Variants in DIAPH2 observed in about 807,000 individuals in gnomAD.
The protein encoded by DIAPH2 is protein diaphanous homolog 2.
DIAPH2 carries 35 observed loss-of-function variants against 92.7 expected under a neutral mutation model. The observed-to-expected ratio is 0.38, with a 90% confidence interval of 0.29 to 0.50. DIAPH2 has a LOEUF of 0.50. DIAPH2 is among the 20% of genes least tolerant of loss of function. The pLI is 0.94. For synonymous variants in DIAPH2, 301 were observed against 280.4 expected, an observed-to-expected ratio of 1.07 and a Z score of -0.73; for missense variants, 701 against 819.5, an observed-to-expected ratio of 0.86 and a Z score of 1.77.
chrX:97,066,023 A>G (rs2066631588), intron 17 of DIAPH2, among the ~76,000 whole-genome samples: 1 of 112,312 alleles, frequency 8.9e-6, no homozygotes, highest in African/African-American at 3.3e-5. Context: ...TACAAGAGTC[A>G]AAAGTTTAAA....
At chrX:96,707,808 T>A (rs998892833) in intron 1 of DIAPH2, among the ~76,000 whole-genome samples, 1 of 112,176 alleles carries the variant, frequency 8.9e-6, no homozygotes, top group African/African-American at 3.2e-5. Context: ...TTATCTCTTC[T>A]GCATTTTAAA....
chrX:96,996,891 G>T (rs2066108501), intron 17 of DIAPH2, among the ~76,000 whole-genome samples: 2 of 111,939 alleles, frequency 1.8e-5, no homozygotes, highest in South Asian at 7.4e-4. Flanking sequence ...TTCCAAACTA[G>T]TAAAGCCACA....
chrX:96,766,707 A>G (rs2064306382), intron 4 of DIAPH2, among the ~76,000 whole-genome samples: 1 of 112,363 alleles, frequency 8.9e-6, no homozygotes, highest in Admixed American at 9.4e-5. Flanking sequence ...AATGAGTGAT[A>G]CGAAAGCTAG....
At chrX:96,854,597 T>A (rs233215) in intron 4 of DIAPH2, among the ~76,000 whole-genome samples, 4 of 62,213 alleles carry the variant, frequency 6.4e-5, no homozygotes, top group East Asian at 1.2e-3. Context: ...TCTCTCTCTC[T>A]CATATATATA....
At chrX:96,794,739 T>G (rs1425158266) in intron 4 of DIAPH2, among the ~76,000 whole-genome samples, 1 of 111,961 alleles carries the variant, frequency 8.9e-6, no homozygotes, top group Non-Finnish European at 1.9e-5. Context: ...CATAACAAAC[T>G]AACATAAACT....
chrX:97,311,549 A>C (rs2068793859), intron 23 of DIAPH2, among the ~76,000 whole-genome samples: 1 of 111,026 alleles, frequency 9.0e-6, no homozygotes, highest in South Asian at 3.9e-4. Context: ...ATAGGGAGTC[A>C]AAGCTGTCTT....
intron 23 of DIAPH2, among the ~76,000 whole-genome samples, chrX:97,320,854 A>C (rs1427593975): frequency 8.9e-6 from 1 of 111,941 alleles, no homozygotes; most frequent in African/African-American, 3.2e-5. Flanking sequence ...CTTTTATTTT[A>C]CTTGAAATAT....
At chrX:97,420,507 G>A (rs1453887129) in intron 25 of DIAPH2, among the ~76,000 whole-genome samples, 1 of 111,725 alleles carries the variant, frequency 9.0e-6, no homozygotes, top group Non-Finnish European at 1.9e-5. Context: ...TCACTATGAA[G>A]TTTATCTGGG....
At chrX:97,595,007 T>A (rs1254383351) in intron 26 of DIAPH2, among the ~76,000 whole-genome samples, 4 of 111,691 alleles carry the variant, frequency 3.6e-5, no homozygotes, top group Non-Finnish European at 7.5e-5. Context: ...CCTTGTACTT[T>A]TGGCACTCGC....
In DIAPH2 at chrX:97,243,651, G is replaced by A. The variant is rs748975761; in HGVS notation, c.2720-4064G>A. On this transcript the variant is annotated intron_variant, in intron 22 of 26. Transcript: ENST00000324765. The stretch of plus-strand genomic sequence containing the variant: ...AGAGGGGAAGAATGGAGGAGCCTAA[G>A]AAAGAAAGGTGCCCTTTACTTTTTT... Among the ~76,000 whole-genome samples, 3 of 111,668 alleles carry A rather than the reference G, an allele frequency of 2.7e-5. No individual in the cohort carries two copies. The South Asian group carries it at 1.1e-3, about 42-fold the overall frequency.
At chrX:96,855,187 C>G (rs2065031956) in intron 4 of DIAPH2, among the ~76,000 whole-genome samples, 1 of 110,218 alleles carries the variant, frequency 9.1e-6, no homozygotes, top group Admixed American at 9.7e-5. Context: ...TTTCTGAAGT[C>G]TTGTTACAGT....
intron 19 of DIAPH2, among the ~76,000 whole-genome samples, chrX:97,096,324 C>T (rs560613508): frequency 8.9e-6 from 1 of 111,770 alleles, no homozygotes; most frequent in African/African-American, 3.2e-5. Context: ...AGTTTTGGGG[C>T]AATATGAATC....
intron 26 of DIAPH2, among the ~76,000 whole-genome samples, chrX:97,467,483 C>T (rs1200353511): frequency 1.8e-5 from 2 of 111,329 alleles, no homozygotes; most frequent in African/African-American, 6.5e-5. Context: ...TTGTGGATTC[C>T]CTTTGTACAG....
chrX:97,509,759 T>G (rs1226668627), intron 26 of DIAPH2, among the ~76,000 whole-genome samples: 1 of 106,328 alleles, frequency 9.4e-6, no homozygotes, highest in Non-Finnish European at 1.9e-5. Flanking sequence ...ACATGTGGTG[T>G]TTGGTTTTTT....
intron 23 of DIAPH2, among the ~76,000 whole-genome samples, chrX:97,277,129 G>A (rs1159495950): frequency 8.9e-6 from 1 of 112,057 alleles, no homozygotes; most frequent in African/African-American, 3.2e-5. Context: ...CTGAGGTCAG[G>A]AGTTTGAGAC....
At chrX:96,807,923 G>T (rs1430089128) in intron 4 of DIAPH2, among the ~76,000 whole-genome samples, 1 of 61,588 alleles carries the variant, frequency 1.6e-5, no homozygotes, top group African/African-American at 6.1e-5. Context: ...CCACAAGTGA[G>T]ATTTGGTATT....
rs1435195700 is a variant in DIAPH2, at chrX:97,376,629, A to T, written c.3010-7280A>T. Reference sequence around the variant, plus strand: ...GTTTTATGTGCCAGGCACTGTTATTAATAGCTTTATATGTGATTCCTCATT... The same window carrying T: ...GTTTTATGTGCCAGGCACTGTTATTTATAGCTTTATATGTGATTCCTCATT... On this transcript the variant is annotated intron_variant, in intron 24 of 26. Coordinates refer to ENST00000324765, the MANE Select transcript of DIAPH2 (RefSeq NM_006729.5). Among the ~76,000 whole-genome samples the T allele has an allele frequency of 7.1e-5, 8 of 112,115 alleles. No homozygotes were observed. In the Admixed American group the frequency reaches 7.6e-4, roughly 11 times the overall value.
At chrX:97,219,958 A>G (rs769507969) in intron 22 of DIAPH2, among the ~76,000 whole-genome samples, 1 of 112,166 alleles carries the variant, frequency 8.9e-6, no homozygotes, top group African/African-American at 3.2e-5. Context: ...AGGCATCTCA[A>G]CAGGCATGCA....
intron 22 of DIAPH2, among the ~76,000 whole-genome samples, chrX:97,243,233 ATT>A (rs34420874): frequency 4.2e-5 from 4 of 95,166 alleles, no homozygotes; most frequent in African/African-American, 7.8e-5. Flanking sequence ...AACAACCAGC[ATT>A]TTTTTTTTTT....
Sources: gnomAD v4.1 joint callset for allele counts (sites outside exome capture counted in the v4.1 genomes callset) on GRCh38, gnomAD v4.1.1 for gene constraint, MANE v1.5 for transcripts, NCBI Gene and HGNC (gene_info 2026-07-23, HGNC 2026-07-21) for gene names.